Variants in TMEM229B observed in about 807,000 individuals in gnomAD.
TMEM229B encodes transmembrane protein 229B, also known as chromosome 14 open reading frame 83.
A neutral mutation model predicts 13.7 loss-of-function variants in TMEM229B; 6 were observed. The observed-to-expected ratio is 0.44, with a 90% CI of 0.24 to 0.86. The LOEUF is 0.86. Among genes scored for constraint, TMEM229B ranks in the 40% least tolerant of loss-of-function variants. The probability of loss-of-function intolerance (pLI) is 0.23; values close to 1 mark genes in which losing one functional copy is unlikely to be tolerated. For missense variants in TMEM229B, 170 were observed against 236.0 expected, an observed-to-expected ratio of 0.72 and a Z score of 1.83; for synonymous variants, 107 against 102.1, an observed-to-expected ratio of 1.05 and a Z score of -0.29.
chr14:67,524,424 G>T (rs997129707), intron 1 of TMEM229B, among the ~76,000 whole-genome samples: 1 of 152,116 alleles, frequency 6.6e-6, no homozygotes, highest in Non-Finnish European at 1.5e-5. Context: ...CTACAATTAG[G>T]AGTGTGGACA....
intron 1 of TMEM229B, among the ~76,000 whole-genome samples, chr14:67,530,546 T>C (rs952022584): frequency 1.3e-5 from 2 of 152,100 alleles, no homozygotes; most frequent in African/African-American, 4.8e-5. Flanking sequence ...ACTCCTAGAG[T>C]GGTTAGTTAG....
upstream of TMEM229B, among the ~76,000 whole-genome samples, chr14:67,490,026 C>T (rs1231671941): frequency 1.3e-5 from 2 of 152,094 alleles, no homozygotes; most frequent in Non-Finnish European, 2.9e-5. Context: ...GTGTCTGTTT[C>T]CCCCACCACG....
intron 1 of TMEM229B, among the ~76,000 whole-genome samples, chr14:67,524,703 G>A (rs1400290908): frequency 6.6e-6 from 1 of 152,134 alleles, no homozygotes; most frequent in Non-Finnish European, 1.5e-5. Flanking sequence ...TTCAAGCCTT[G>A]GACAACCGCC....
intron 1 of TMEM229B, among the ~76,000 whole-genome samples, chr14:67,501,079 A>AATT (rs1476600700): frequency 6.8e-6 from 1 of 147,786 alleles, no homozygotes; most frequent in Non-Finnish European, 1.5e-5. Context: ...TAATAATAAT[A>AATT]ATAATAAAGA....
chr14:67,499,621 G>A (rs1231273773), intron 1 of TMEM229B, among the ~76,000 whole-genome samples: 1 of 152,158 alleles, frequency 6.6e-6, no homozygotes, highest in African/African-American at 2.4e-5. Flanking sequence ...GTATGTAAGA[G>A]GATGCTTTAG....
intron 1 of TMEM229B, among the ~76,000 whole-genome samples, chr14:67,502,931 G>A (rs375688728): frequency 4.6e-5 from 7 of 152,110 alleles, no homozygotes; most frequent in Non-Finnish European, 1.0e-4. Flanking sequence ...TTAAAAATTA[G>A]TGGAGACAAT....
intron 1 of TMEM229B, among the ~76,000 whole-genome samples, chr14:67,503,962 A>G (rs964072273): frequency 2.0e-5 from 3 of 151,634 alleles, no homozygotes; most frequent in Admixed American, 2.0e-4. Context: ...TCAGCTTCCC[A>G]AAGTGCTGGG....
chr14:67,505,726 A>T (rs1412436400), intron 1 of TMEM229B, among the ~76,000 whole-genome samples: 1 of 148,670 alleles, frequency 6.7e-6, no homozygotes, highest in Non-Finnish European at 1.5e-5. Flanking sequence ...TTTTTTTTTT[A>T]AACAGATTCT....
upstream of TMEM229B, among the ~76,000 whole-genome samples, chr14:67,517,036 T>A (rs976380761): frequency 5.9e-5 from 9 of 152,188 alleles, no homozygotes; most frequent in Admixed American, 1.3e-4. Flanking sequence ...CAGGAAAACT[T>A]GTTTTTTTGC....
chr14:67,532,976 G>A (rs2033514662), intron 1 of TMEM229B, among the ~76,000 whole-genome samples: 1 of 152,096 alleles, frequency 6.6e-6, no homozygotes, highest in Admixed American at 6.5e-5. Context: ...AGAGCTCCGG[G>A]CCGGCGCCCG....
intron 2 of TMEM229B, among the ~76,000 whole-genome samples, chr14:67,483,105 G>T (rs1486012818): frequency 1.3e-5 from 2 of 152,054 alleles, no homozygotes; most frequent in Non-Finnish European, 2.9e-5. Flanking sequence ...CTGTCGCCCG[G>T]GTTCAAGCAA....
At chr14:67,520,327 T>C (rs1008513722), upstream of TMEM229B, among the ~76,000 whole-genome samples, 3 of 152,252 alleles carry the variant, frequency 2.0e-5, no homozygotes, top group East Asian at 5.8e-4. Context: ...TCCTCTGTGC[T>C]TTGCTAATTC....
At chr14:67,492,046 C>T (rs1190020086), upstream of TMEM229B, among the ~76,000 whole-genome samples, 1 of 152,208 alleles carries the variant, frequency 6.6e-6, no homozygotes, top group Non-Finnish European at 1.5e-5. Context: ...TCTTCTGTCT[C>T]ACTTGGAGGC....
At chr14:67,511,082 A>G (rs2033008727) in intron 1 of TMEM229B, among the ~76,000 whole-genome samples, 1 of 152,172 alleles carries the variant, frequency 6.6e-6, no homozygotes, top group South Asian at 2.1e-4. Flanking sequence ...AGGGTGAGTG[A>G]CCTTTCCAAT....
chr14:67,526,934 A>G (rs766402854), intron 1 of TMEM229B, among the ~76,000 whole-genome samples: 1 of 152,340 alleles, frequency 6.6e-6, no homozygotes, highest in African/African-American at 2.4e-5. Flanking sequence ...CCTGAGCACA[A>G]CAAGGAGAAG....
At chr14:67,475,158 G>A (rs1347928414) in intron 2 of TMEM229B, among the ~76,000 whole-genome samples, 4 of 152,092 alleles carry the variant, frequency 2.6e-5, no homozygotes, top group Admixed American at 6.5e-5. Context: ...CAGGTGATCC[G>A]CCCGCCTTGG....
chr14:67,491,954 G>A (rs2032188538), upstream of TMEM229B, among the ~76,000 whole-genome samples: 1 of 152,150 alleles, frequency 6.6e-6, no homozygotes, highest in Non-Finnish European at 1.5e-5. Flanking sequence ...CAACCCCACG[G>A]GGCCCTGTCC....
At chr14:67,477,798 T>C (rs552985809) in intron 2 of TMEM229B, among the ~76,000 whole-genome samples, 1 of 152,290 alleles carries the variant, frequency 6.6e-6, no homozygotes, top group East Asian at 1.9e-4. Flanking sequence ...AAACCCATTA[T>C]CTTTTCCCCA....
intron 1 of TMEM229B, among the ~76,000 whole-genome samples, chr14:67,494,737 A>G (rs968947156): frequency 5.3e-5 from 8 of 152,206 alleles, no homozygotes; most frequent in African/African-American, 1.9e-4. Flanking sequence ...TGAAGACCCC[A>G]AGATCCAACA....
Sources: allele counts gnomAD v4.1 joint callset (sites outside exome capture counted in the v4.1 genomes callset), GRCh38; gene constraint gnomAD v4.1.1; transcripts MANE v1.5; gene names NCBI Gene and HGNC (gene_info 2026-07-23, HGNC 2026-07-21).